CDH18: variants seen among roughly 807,000 people sequenced by gnomAD.
CDH18 encodes the protein cadherin 18, also known as cadherin-18.
Under a neutral mutation model 67.9 loss-of-function variants are expected in CDH18, and 31 were observed. The ratio of observed to expected loss-of-function variants is 0.46; its 90% confidence interval spans 0.34 to 0.62. The LOEUF (loss-of-function observed/expected upper bound fraction) is 0.62, where lower values mean the gene tolerates loss of function less well. Among genes scored for constraint, CDH18 ranks in the 20% least tolerant of loss-of-function variants. The pLI, the probability that CDH18 is intolerant of heterozygous loss-of-function variation, is 0.01. For synonymous variants in CDH18, 362 were observed against 347.2 expected (o/e 1.04, Z -0.48); for missense variants, 890 against 975.5 (o/e 0.91, Z 1.17).
intron 2 of CDH18, among the ~76,000 whole-genome samples, chr5:20,199,553 A>G (rs1472534257): frequency 6.6e-6 from 1 of 152,202 alleles, no homozygotes; most frequent in Non-Finnish European, 1.5e-5. Flanking sequence ...GCTTTGCCTC[A>G]GATGAGATTT....
chr5:20,359,589 C>CA (rs1741924665), intron 1 of CDH18, among the ~76,000 whole-genome samples: 1 of 152,254 alleles, frequency 6.6e-6, no homozygotes, highest in East Asian at 1.9e-4. Context: ...GTGAAGAGAA[C>CA]AATGGAGTTG....
chr5:19,710,541 T>C (rs1725003166), intron 5 of CDH18, among the ~76,000 whole-genome samples: 1 of 152,160 alleles, frequency 6.6e-6, no homozygotes. Context: ...TTTCCAAAAA[T>C]ATTTAGTTTT....
intron 2 of CDH18, among the ~76,000 whole-genome samples, chr5:20,069,212 C>T (rs1479149472): frequency 1.3e-5 from 2 of 151,930 alleles, no homozygotes; most frequent in African/African-American, 4.8e-5. Flanking sequence ...CCCCCACTTG[C>T]TCCCAACACA....
At chr5:20,525,059 A>G (rs1581150876) in intron 1 of CDH18, among the ~76,000 whole-genome samples, 2 of 152,160 alleles carry the variant, frequency 1.3e-5, no homozygotes, top group Admixed American at 1.3e-4. Context: ...CTGTTTAGGA[A>G]CTTGAATGCA....
intron 8 of CDH18, among the ~76,000 whole-genome samples, chr5:19,552,806 T>G (rs1737697868): frequency 6.6e-6 from 1 of 152,172 alleles, no homozygotes; most frequent in South Asian, 2.1e-4. Flanking sequence ...ATGGATCCAT[T>G]CATGCCTCAC....
Position 19,816,006 on chromosome 5 carries a change from A to G in CDH18, c.228+22753T>C, listed in dbSNP as rs141479262. On this transcript the variant is annotated intron_variant, in intron 3 of 12. Coordinates refer to ENST00000382275, the MANE Select transcript of CDH18 (RefSeq NM_004934.5). ...CGATTTATATCTAGAGAAAATTCTA[A>G]CAGTTATAAACAGATACACCATAAA... 3.6e-4 allele frequency among the ~76,000 whole-genome samples: 55 copies of G among 152,068 alleles called. No individual in the cohort carries two copies. The East Asian group carries it at 0.01, about 28-fold the overall frequency.
At chr5:19,912,719 T>A (rs1014273976) in intron 2 of CDH18, among the ~76,000 whole-genome samples, 4 of 152,124 alleles carry the variant, frequency 2.6e-5, no homozygotes, top group African/African-American at 9.7e-5. Flanking sequence ...GCAGAAAGAT[T>A]TGAGTTTAGC....
chr5:20,385,563 T>C (rs1744250485), intron 1 of CDH18, among the ~76,000 whole-genome samples: 1 of 152,180 alleles, frequency 6.6e-6, no homozygotes, highest in Non-Finnish European at 1.5e-5. Context: ...AGTCTCTTCT[T>C]GATACAGATG....
intron 2 of CDH18, among the ~76,000 whole-genome samples, chr5:20,158,310 A>G (rs368181042): frequency 6.6e-6 from 1 of 152,198 alleles, no homozygotes; most frequent in East Asian, 1.9e-4. Context: ...TGAAATCAAC[A>G]TAACTAAAAA....
At chr5:19,553,213 A>C (rs1209907657) in intron 8 of CDH18, among the ~76,000 whole-genome samples, 2 of 152,146 alleles carry the variant, frequency 1.3e-5, no homozygotes, top group East Asian at 3.9e-4. Context: ...AGTGTATTAG[A>C]AATGTTATTT....
chr5:20,415,574 C>A (rs1034000860), intron 1 of CDH18, among the ~76,000 whole-genome samples: 4 of 151,546 alleles, frequency 2.6e-5, no homozygotes, highest in Non-Finnish European at 5.9e-5. Context: ...GAGATTGAGA[C>A]CAACCTGGCT....
chr5:19,739,796 T>A (rs1430785650), intron 4 of CDH18, among the ~76,000 whole-genome samples: 2 of 152,196 alleles, frequency 1.3e-5, no homozygotes, highest in African/African-American at 2.4e-5. Flanking sequence ...CCCAGGGTAA[T>A]GATTTTTAAA....
At chr5:20,296,428 A>AT (rs1213186523) in intron 1 of CDH18, among the ~76,000 whole-genome samples, 1 of 150,576 alleles carries the variant, frequency 6.6e-6, no homozygotes, top group African/African-American at 2.4e-5. Flanking sequence ...CGCCTGGATA[A>AT]TTTTTTGTAT....
chr5:20,440,949 C>G (rs1398332693), intron 1 of CDH18, among the ~76,000 whole-genome samples: 1 of 151,830 alleles, frequency 6.6e-6, no homozygotes, highest in African/African-American at 2.4e-5. Flanking sequence ...ACACAGAACC[C>G]TTAAGAGGTT....
At chr5:19,580,117 A>C (rs1023203308) in intron 7 of CDH18, among the ~76,000 whole-genome samples, 1 of 151,894 alleles carries the variant, frequency 6.6e-6, no homozygotes, top group African/African-American at 2.4e-5. Context: ...TAATAATCAA[A>C]CTAAGGTAAT....
At chr5:19,698,131 T>C (rs62351325) in intron 5 of CDH18, among the ~76,000 whole-genome samples, 3,861 of 152,328 alleles carry the variant, frequency 0.025, 65 homozygotes, top group Non-Finnish European at 0.041. Context: ...ATCTGCATCA[T>C]ATGGCAATTA....
chr5:19,626,572 C>A (rs906191426), intron 5 of CDH18, among the ~76,000 whole-genome samples: 27 of 151,952 alleles, frequency 1.8e-4, no homozygotes, highest in Non-Finnish European at 2.9e-4. Flanking sequence ...ATTCTGAGAA[C>A]TATAAACAGT....
At chr5:19,556,896 C>T (rs1290889375) in intron 8 of CDH18, among the ~76,000 whole-genome samples, 6 of 152,000 alleles carry the variant, frequency 3.9e-5, no homozygotes, top group African/African-American at 7.2e-5. Context: ...ACAAAAACAC[C>T]AGGTAATCTA....
At chr5:19,988,329 T>A (rs147193720), upstream of CDH18, 39 of 154,566 alleles carry the variant, frequency 2.5e-4, no homozygotes, top group East Asian at 7.3e-3. Context: ...CTTCCTCTTC[T>A]CCCTGGCTCT....
Sources: gnomAD v4.1 joint callset for allele counts (sites outside exome capture counted in the v4.1 genomes callset) on GRCh38, gnomAD v4.1.1 for gene constraint, MANE v1.5 for transcripts, NCBI Gene and HGNC (gene_info 2026-07-23, HGNC 2026-07-21) for gene names.